Variants in KCNIP4 observed in about 807,000 individuals in gnomAD.
The protein encoded by KCNIP4 is Kv channel-interacting protein 4.
Under a neutral mutation model 34.0 loss-of-function variants are expected in KCNIP4, and 12 were observed. That is an observed-to-expected ratio of 0.35 (90% CI 0.23 to 0.57). The LOEUF (loss-of-function observed/expected upper bound fraction) is 0.57, where lower values mean the gene tolerates loss of function less well. Ranked by LOEUF, KCNIP4 falls within the 20% of genes least tolerant of loss-of-function variation. The probability of loss-of-function intolerance (pLI) is 0.83; values close to 1 mark genes in which losing one functional copy is unlikely to be tolerated. For synonymous variants in KCNIP4, 124 were observed against 102.2 expected (o/e 1.21, Z -1.29); for missense variants, 238 against 311.7 (o/e 0.76, Z 1.78).
intron 1 of KCNIP4, among the ~76,000 whole-genome samples, chr4:21,445,761 A>G (rs1454630643): frequency 1.3e-5 from 2 of 152,262 alleles, no homozygotes; most frequent in African/African-American, 2.4e-5. Flanking sequence ...ACAAAAGCCA[A>G]AATTGACAAA....
chr4:21,346,863 A>G (rs1369462436), intron 1 of KCNIP4, among the ~76,000 whole-genome samples: 1 of 152,180 alleles, frequency 6.6e-6, no homozygotes, highest in Non-Finnish European at 1.5e-5. Context: ...AGATGACTCA[A>G]TACTGCACCT....
intron 3 of KCNIP4, among the ~76,000 whole-genome samples, chr4:20,782,871 G>T (rs892093424): frequency 6.6e-6 from 1 of 152,104 alleles, no homozygotes; most frequent in Non-Finnish European, 1.5e-5. Flanking sequence ...AGCATTGTCA[G>T]GCTGCAAATT....
At chr4:21,756,898 AC>A (rs752767751) in intron 1 of KCNIP4, among the ~76,000 whole-genome samples, 1 of 151,662 alleles carries the variant, frequency 6.6e-6, no homozygotes, top group Non-Finnish European at 1.5e-5. Context: ...GAAGTTCAAG[AC>A]CAGCCTGGCC....
chr4:21,073,724 A>T (rs892223533), intron 1 of KCNIP4, among the ~76,000 whole-genome samples: 3 of 152,170 alleles, frequency 2.0e-5, no homozygotes, highest in African/African-American at 7.2e-5. Context: ...CAGTTTTTAA[A>T]GGGAATGCTT....
chr4:21,536,643 T>A (rs1737195183), intron 1 of KCNIP4, among the ~76,000 whole-genome samples: 1 of 151,892 alleles, frequency 6.6e-6, no homozygotes, highest in South Asian at 2.1e-4. Context: ...TAGCTGGGTG[T>A]GGTGGTGCGT....
At chr4:21,938,492 C>T (rs181409359) in intron 1 of KCNIP4, among the ~76,000 whole-genome samples, 97 of 152,216 alleles carry the variant, frequency 6.4e-4, no homozygotes, top group Non-Finnish European at 1.1e-3. Flanking sequence ...CAGAATAATG[C>T]TCTTTTCTAC....
chr4:20,934,962 G>A (rs1324983640), intron 1 of KCNIP4, among the ~76,000 whole-genome samples: 1 of 152,100 alleles, frequency 6.6e-6, no homozygotes, highest in African/African-American at 2.4e-5. Flanking sequence ...GTGACTCCAG[G>A]CATTTCCTGA....
intron 1 of KCNIP4, among the ~76,000 whole-genome samples, chr4:20,914,593 AATT>A (rs1728629923): frequency 1.3e-5 from 2 of 152,274 alleles, no homozygotes; most frequent in South Asian, 4.2e-4. Flanking sequence ...AAATAATTAT[AATT>A]ATTATTTGGT....
chr4:21,242,543 A>G (rs1179666851), intron 1 of KCNIP4, among the ~76,000 whole-genome samples: 1 of 152,292 alleles, frequency 6.6e-6, no homozygotes, highest in African/African-American at 2.4e-5. Context: ...CAGTGGACTC[A>G]GTTAAGTAGA....
intron 1 of KCNIP4, among the ~76,000 whole-genome samples, chr4:21,667,730 A>G (rs1184648926): frequency 2.0e-5 from 3 of 152,250 alleles, no homozygotes; most frequent in African/African-American, 4.8e-5. Flanking sequence ...AAGAATTGCG[A>G]ATAATGCTTC....
intron 1 of KCNIP4, among the ~76,000 whole-genome samples, chr4:21,307,766 T>A (rs1165953415): frequency 6.6e-6 from 1 of 152,174 alleles, no homozygotes; most frequent in Admixed American, 6.5e-5. Context: ...ACTTTTTTTT[T>A]AGGAAGTCCT....
intron 1 of KCNIP4, among the ~76,000 whole-genome samples, chr4:21,041,070 C>T (rs11724620): frequency 6.6e-6 from 1 of 151,984 alleles, no homozygotes; most frequent in Admixed American, 6.6e-5. Flanking sequence ...CCTTTCACAT[C>T]TACCCTGCAG....
intron 1 of KCNIP4, among the ~76,000 whole-genome samples, chr4:21,767,147 A>G (rs1718472156): frequency 6.6e-6 from 1 of 152,144 alleles, no homozygotes; most frequent in East Asian, 1.9e-4. Flanking sequence ...TTTAGAAAGG[A>G]ATTTGCTTTA....
chr4:21,348,953 G>GAAGCACC (rs1717733338), intron 1 of KCNIP4, among the ~76,000 whole-genome samples: 1 of 152,238 alleles, frequency 6.6e-6, no homozygotes, highest in South Asian at 2.1e-4. Flanking sequence ...TGGAACAAAT[G>GAAGCACC]AAAAAGATGC....
intron 3 of KCNIP4, among the ~76,000 whole-genome samples, chr4:20,818,575 C>T (rs762417503): frequency 2.0e-5 from 3 of 152,112 alleles, no homozygotes; most frequent in Non-Finnish European, 2.9e-5. Flanking sequence ...AGCCTCATTC[C>T]TCCAAGTGCT....
intron 1 of KCNIP4, among the ~76,000 whole-genome samples, chr4:21,367,112 C>A (rs1443177318): frequency 6.6e-6 from 1 of 152,096 alleles, no homozygotes; most frequent in Admixed American, 6.6e-5. Context: ...GAGAGAACAG[C>A]CCTTATCAGA....
rs1013555899 is a variant in KCNIP4, at chr4:20,818,266, A to G, written c.288+32277T>C. ...GGGAGCCCCCTGCCAAAGACATCCT[A>G]TGAGTAGCAATAGAATAGCCAGAAG... On this transcript the variant is annotated intron_variant, in intron 3 of 8. Transcript: ENST00000382152. 2.0e-5 allele frequency among the ~76,000 whole-genome samples: 3 copies of G among 152,334 alleles called. No individual in the cohort carries two copies. In the East Asian group the frequency reaches 5.8e-4, roughly 29 times the overall value.
At chr4:20,988,218 C>G (rs906411725) in intron 1 of KCNIP4, among the ~76,000 whole-genome samples, 2 of 151,990 alleles carry the variant, frequency 1.3e-5, no homozygotes, top group African/African-American at 2.4e-5. Context: ...CACTCTCAGG[C>G]CCCTCTGCAC....
intron 1 of KCNIP4, among the ~76,000 whole-genome samples, chr4:21,576,361 C>G (rs1211770503): frequency 6.6e-6 from 1 of 152,110 alleles, no homozygotes; most frequent in Non-Finnish European, 1.5e-5. Context: ...TAACATAAAC[C>G]AAGGTCACGT....
Sources: allele counts gnomAD v4.1 joint callset (sites outside exome capture counted in the v4.1 genomes callset), GRCh38; gene constraint gnomAD v4.1.1; transcripts MANE v1.5; gene names NCBI Gene and HGNC (gene_info 2026-07-23, HGNC 2026-07-21).